The following MCF2L variants were observed in gnomAD, a reference collection of about 807,000 sequenced individuals.
MCF2L encodes the protein MCF.2 cell line derived transforming sequence like.
A neutral mutation model predicts 153.4 loss-of-function variants in MCF2L; 97 were observed. That is an observed-to-expected ratio of 0.63 (90% CI 0.54 to 0.75). MCF2L has a LOEUF of 0.75. MCF2L is among the 30% of genes least tolerant of loss of function. The probability of loss-of-function intolerance (pLI) is 0.00; values close to 1 mark genes in which losing one functional copy is unlikely to be tolerated. For synonymous variants in MCF2L, 659 were observed against 632.2 expected (o/e 1.04, Z -0.64); for missense variants, 1,347 against 1,495.2 (o/e 0.90, Z 1.64).
intron 1 of MCF2L, chr13:113,009,378 T>C (rs1039320754): frequency 6.6e-6 from 1 of 152,296 alleles, no homozygotes; most frequent in Non-Finnish European, 1.5e-5. Context: ...GAAATATTTA[T>C]ACCTAACCCA....
intron 2 of MCF2L, among the ~76,000 whole-genome samples, chr13:112,933,228 C>T (rs35317768): frequency 0.071 from 10,771 of 152,218 alleles, 424 homozygotes; most frequent in South Asian, 0.16. Context: ...CTTTCAGAGA[C>T]GCCCAGGCTG....
At chr13:113,021,609 G>A (rs369440837) in intron 2 of MCF2L, among the ~76,000 whole-genome samples, 1 of 152,196 alleles carries the variant, frequency 6.6e-6, no homozygotes, top group African/African-American at 2.4e-5. Context: ...TTACTAGGCC[G>A]GGTGTAGACA....
At chr13:113,048,942 T>G (rs920915588) in intron 4 of MCF2L, among the ~76,000 whole-genome samples, 1 of 151,914 alleles carries the variant, frequency 6.6e-6, no homozygotes, top group East Asian at 1.9e-4. Context: ...GGCTGAGCCA[T>G]GGGGAGGGGG....
At chr13:112,911,943 C>A (rs1001900521) in intron 2 of MCF2L, among the ~76,000 whole-genome samples, 1 of 152,156 alleles carries the variant, frequency 6.6e-6, no homozygotes. Flanking sequence ...GTGGCCAATC[C>A]GCCAAGAATA....
At chr13:113,001,819 C>A in intron 1 of MCF2L, 3 of 1,457,016 alleles carry the variant, frequency 2.1e-6, no homozygotes, top group East Asian at 5.5e-5. Context: ...CGCTTCGCGG[C>A]CAAGATGGTG....
chr13:112,928,815 G>A (rs186790677), intron 2 of MCF2L, among the ~76,000 whole-genome samples: 8 of 152,366 alleles, frequency 5.3e-5, no homozygotes, highest in Non-Finnish European at 8.8e-5. Context: ...AGGGATGTGC[G>A]TGCTCCTCAG....
intron 2 of MCF2L, among the ~76,000 whole-genome samples, chr13:112,922,528 C>T (rs1328033580): frequency 6.9e-6 from 1 of 145,980 alleles, no homozygotes; most frequent in Non-Finnish European, 1.5e-5. Flanking sequence ...ATTCACAACA[C>T]ATAAAAAAAA....
intron 4 of MCF2L, among the ~76,000 whole-genome samples, chr13:113,056,950 G>C (rs2030022671): frequency 8.2e-6 from 1 of 122,140 alleles, no homozygotes; most frequent in Middle Eastern, 4.8e-3. Context: ...AGTGGGTGCT[G>C]TGTGTTTGGG....
At chr13:113,001,957 T>G (rs1334941178) in intron 1 of MCF2L, 2 of 1,592,330 alleles carry the variant, frequency 1.3e-6, no homozygotes, top group Non-Finnish European at 1.7e-6. Flanking sequence ...CTCTGGGCGC[T>G]GTGGCTGCTG....
chr13:113,085,712 G>A (rs1300474060), intron 20 of MCF2L, among the ~76,000 whole-genome samples: 1 of 119,110 alleles, frequency 8.4e-6, no homozygotes, highest in Non-Finnish European at 1.8e-5. Flanking sequence ...CTGGCATCAG[G>A]GTGGCAGGAG....
chr13:112,912,154 C>T (rs927285456), intron 2 of MCF2L, among the ~76,000 whole-genome samples: 7 of 152,044 alleles, frequency 4.6e-5, no homozygotes, highest in African/African-American at 1.7e-4. Flanking sequence ...GTCTCTGTCC[C>T]CTGTGTTTAG....
At chr13:112,919,870 C>A (rs2081335513) in intron 2 of MCF2L, among the ~76,000 whole-genome samples, 1 of 152,166 alleles carries the variant, frequency 6.6e-6, no homozygotes, top group Admixed American at 6.5e-5. Context: ...ATTTTTCATG[C>A]TTTGAAGGAC....
At chr13:112,962,225 TTACA>T (rs2081839289) in intron 2 of MCF2L, among the ~76,000 whole-genome samples, 1 of 19,798 alleles carries the variant, frequency 5.1e-5, no homozygotes. Flanking sequence ...ACAGTCACAC[TTACA>T]CATGCACACA....
chr13:112,979,336 C>G (rs937016851), intron 1 of MCF2L: 20 of 1,249,160 alleles, frequency 1.6e-5, no homozygotes, highest in Middle Eastern at 3.2e-4. Context: ...GCAGGCAGGC[C>G]CAGCGGCTGG....
intron 1 of MCF2L, among the ~76,000 whole-genome samples, chr13:113,003,638 G>A (rs1194514227): frequency 6.6e-6 from 1 of 152,206 alleles, no homozygotes; most frequent in Non-Finnish European, 1.5e-5. Context: ...ACAAGAGGAG[G>A]AATTGTCCTT....
intron 3 of MCF2L, chr13:113,040,324 T>C (rs1031957973): frequency 1.3e-5 from 2 of 152,098 alleles, no homozygotes; most frequent in Non-Finnish European, 2.9e-5. Flanking sequence ...TAAAGAATGG[T>C]GTCCTCCAAG....
At chr13:112,965,950 C>T (rs2081888698), upstream of MCF2L, 1 of 152,254 alleles carries the variant, frequency 6.6e-6, no homozygotes, top group Non-Finnish European at 1.5e-5. Context: ...CCCCTCACGA[C>T]ACTACAGGCG....
At chr13:113,034,549 G>C (rs899356116) in intron 3 of MCF2L, among the ~76,000 whole-genome samples, 1 of 151,284 alleles carries the variant, frequency 6.6e-6, no homozygotes, top group African/African-American at 2.4e-5. Context: ...CCTCACCCTC[G>C]CCCTGGTCTC....
chr13:112,964,661 C>T (rs1349870680), upstream of MCF2L, among the ~76,000 whole-genome samples: 4 of 152,120 alleles, frequency 2.6e-5, no homozygotes, highest in African/African-American at 9.7e-5. Flanking sequence ...CACTAGAAAA[C>T]CTGATTAAAA....
Sources: allele counts gnomAD v4.1 joint callset (sites outside exome capture counted in the v4.1 genomes callset), GRCh38; gene constraint gnomAD v4.1.1; transcripts MANE v1.5; gene names NCBI Gene and HGNC (gene_info 2026-07-23, HGNC 2026-07-21).